The following ETS1 variants were observed in gnomAD, a reference collection of about 807,000 sequenced individuals.
The protein encoded by ETS1 is protein C-ets-1.
In ETS1, 15 loss-of-function variants were observed where a neutral mutation model predicts 58.6. The ratio of observed to expected loss-of-function variants is 0.26; its 90% CI spans 0.17 to 0.39. The LOEUF is 0.39. Among genes scored for constraint, ETS1 ranks in the 10% least tolerant of loss-of-function variants. The probability of loss-of-function intolerance (pLI) is 1.00; values close to 1 mark genes in which losing one functional copy is unlikely to be tolerated. For missense variants in ETS1, 417 were observed against 610.5 expected (o/e 0.68, Z 3.34); for synonymous variants, 214 against 218.2 (o/e 0.98, Z 0.17).
rs1174740444 is a variant in ETS1 at position 128,462,470 on chromosome 11, G to A, written c.1349C>T (p.Ala450Val). The change falls in exon 10 of 10, where the codon GCG (alanine) becomes GTG (valine). Residue 450 changes from alanine to valine, a missense_variant. Physicochemically the swap from Ala to Val is moderately conservative, Grantham distance 64 (BLOSUM62 0). Coordinates refer to ENST00000392668, the MANE Select transcript of ETS1 (RefSeq NM_001143820.2). Reference protein sequence around the residue: ...YYDKNIIHKTAGKRYVYRFVC... With the variant: ...YYDKNIIHKTVGKRYVYRFVC... Reference sequence around the variant, plus strand: ...AAAGCGGTACACGTAGCGTTTCCCCGCTGTCTTGTGGATGATGTTTTTGTC... The same window carrying A: ...AAAGCGGTACACGTAGCGTTTCCCCACTGTCTTGTGGATGATGTTTTTGTC... The A allele has an allele frequency of 3.7e-6, 6 of 1,614,018 alleles. No individual in the cohort carries two copies. The highest frequency in any genetic ancestry group is 5.1e-6 in the Non-Finnish European group (6 of 1,180,004).
intron 3 of ETS1, among the ~76,000 whole-genome samples, chr11:128,546,639 G>A (rs1055923515): frequency 6.6e-6 from 1 of 152,150 alleles, no homozygotes; most frequent in Admixed American, 6.5e-5. Flanking sequence ...CAGTACGGAT[G>A]CAAATATTCT....
rs118102731 is a variant in ETS1, at chr11:128,506,718, C to A, written c.215-16142G>T. Among the ~76,000 whole-genome samples, 68 of 152,250 alleles carry A rather than the reference C, an allele frequency of 4.5e-4. No individual in the cohort carries two copies. In the East Asian group the frequency reaches 0.013, roughly 29 times the overall value. ...CCTGGAAATCCTTGTGAGATGGAAG[C>A]CCCGCGATGCTCACTGGGAGACCGA... On this transcript the variant is annotated intron_variant, in intron 3 of 9. Transcript: ENST00000392668.
chr11:128,500,437 G>A (rs746951993), intron 3 of ETS1, among the ~76,000 whole-genome samples: 23 of 151,410 alleles, frequency 1.5e-4, no homozygotes, highest in Admixed American at 9.2e-4. Context: ...AAAAAGGACC[G>A]TTTTTCCAAT....
intron 8 of ETS1, among the ~76,000 whole-genome samples, chr11:128,476,887 C>T (rs1181048457): frequency 6.6e-6 from 1 of 152,250 alleles, no homozygotes; most frequent in South Asian, 2.1e-4. Context: ...ACTCAGCTAA[C>T]AGGCAGGCTT....
chr11:128,470,159 T>C (rs1310610117), intron 8 of ETS1, among the ~76,000 whole-genome samples: 3 of 152,154 alleles, frequency 2.0e-5, no homozygotes, highest in African/African-American at 7.2e-5. Context: ...AGAAAACAGC[T>C]CTCAAATCAG....
At chr11:128,566,670 C>G (rs2135570480) in intron 2 of ETS1, among the ~76,000 whole-genome samples, 1 of 152,062 alleles carries the variant, frequency 6.6e-6, no homozygotes, top group Non-Finnish European at 1.5e-5. Context: ...GTAGTCCCAG[C>G]TACTCAGGAG....
intron 5 of ETS1, among the ~76,000 whole-genome samples, chr11:128,488,518 G>C (rs1473589261): frequency 6.6e-6 from 1 of 152,148 alleles, no homozygotes; most frequent in Non-Finnish European, 1.5e-5. Context: ...GGGTTAGAGA[G>C]GGCAATGGGC....
intron 3 of ETS1, among the ~76,000 whole-genome samples, chr11:128,512,510 C>G (rs1365002952): frequency 6.6e-6 from 1 of 152,210 alleles, no homozygotes; most frequent in East Asian, 1.9e-4. Context: ...TCAGATAACC[C>G]CCATGTGCGG....
intron 3 of ETS1, among the ~76,000 whole-genome samples, chr11:128,525,641 A>G (rs1863787043): frequency 8.0e-6 from 1 of 125,698 alleles, no homozygotes. Flanking sequence ...AAAAAAAAAA[A>G]GCCCTCAATT....
intron 8 of ETS1, among the ~76,000 whole-genome samples, chr11:128,476,918 C>T (rs1393966896): frequency 1.3e-5 from 2 of 152,214 alleles, no homozygotes; most frequent in Non-Finnish European, 2.9e-5. Context: ...TTATCTGCCC[C>T]CGCATCTTGA....
intron 5 of ETS1, 116 bp downstream of exon 5, chr11:128,489,174 C>T: frequency 1.2e-6 from 1 of 835,830 alleles, no homozygotes; most frequent in East Asian, 2.4e-5. Context: ...CACATACGTC[C>T]TACAGTAGGA....
rs76404385 is a variant in ETS1, at chr11:128,463,160, C to T, written c.1242+349G>A. ...AATAAGAAACTAATGAGCCAATCTC[C>T]CAAGGCCTCTTGAACTGTCTGGCCC... On this transcript the variant is annotated intron_variant, in intron 9 of 9. Transcript: ENST00000392668. The surrounding 1 kb of genome is among the most constrained non-coding windows in gnomAD (Gnocchi z 4.1). Among the ~76,000 whole-genome samples, 9,669 of 152,228 alleles carry T rather than the reference C, an allele frequency of 0.064. 436 individuals carry two copies. The highest frequency in any genetic ancestry group is 0.15 in the East Asian group (796 of 5,172).
At chr11:128,482,234 C>A (rs577928285) in intron 7 of ETS1, among the ~76,000 whole-genome samples, 1 of 152,232 alleles carries the variant, frequency 6.6e-6, no homozygotes, top group South Asian at 2.1e-4. Flanking sequence ...AGCCTACAAC[C>A]AGAATGTCAA....
intron 5 of ETS1, among the ~76,000 whole-genome samples, 193 bp from the exon 6 acceptor site, chr11:128,486,339 C>A (rs1862630922): frequency 1.3e-5 from 2 of 152,148 alleles, no homozygotes; most frequent in Admixed American, 6.5e-5. Flanking sequence ...AAAAATATGA[C>A]TAAGGTTATT....
chr11:128,498,988 G>A (rs1246677705), intron 3 of ETS1, among the ~76,000 whole-genome samples: 1 of 152,144 alleles, frequency 6.6e-6, no homozygotes, highest in Admixed American at 6.5e-5. Flanking sequence ...CATTACTCAG[G>A]AGGAAAGAAT....
chr11:128,553,469 C>G (rs1864264045), intron 3 of ETS1, among the ~76,000 whole-genome samples: 2 of 151,980 alleles, frequency 1.3e-5, no homozygotes, highest in African/African-American at 4.8e-5. Flanking sequence ...ATCTTCCTTT[C>G]CCATTATTCC....
chr11:128,551,499 A>C (rs1169603568), intron 3 of ETS1, among the ~76,000 whole-genome samples: 1 of 152,248 alleles, frequency 6.6e-6, no homozygotes, highest in African/African-American at 2.4e-5. Flanking sequence ...AATTTGTTTT[A>C]GAGATTTTAG....
At chr11:128,497,555 G>T in intron 3 of ETS1, 1 of 981,906 alleles carries the variant, frequency 1.0e-6, no homozygotes, top group African/African-American at 1.7e-5. Flanking sequence ...CTGAAGTCCT[G>T]AGGATTTGGT....
intron 3 of ETS1, among the ~76,000 whole-genome samples, chr11:128,546,601 T>C (rs1048121939): frequency 6.6e-6 from 1 of 152,174 alleles, no homozygotes; most frequent in Non-Finnish European, 1.5e-5. Context: ...GTTTAGGGAA[T>C]AATGACAAGA....
Sources: allele counts gnomAD v4.1 joint callset (sites outside exome capture counted in the v4.1 genomes callset), GRCh38; gene constraint gnomAD v4.1.1; non-coding constraint Gnocchi (gnomAD v3.1); transcripts MANE v1.5; gene names NCBI Gene and HGNC (gene_info 2026-07-23, HGNC 2026-07-21).